Variants in ZMPSTE24 observed in about 807,000 individuals in gnomAD.
ZMPSTE24 encodes the protein zinc metallopeptidase STE24.
In ZMPSTE24, 48 loss-of-function variants were observed where a neutral mutation model predicts 56.7. The ratio of observed to expected loss-of-function variants is 0.85; its 90% confidence interval spans 0.67 to 1.08. The LOEUF is 1.08. Ranked by LOEUF, ZMPSTE24 falls within the 50% of genes least tolerant of loss-of-function variation. The pLI, the probability that ZMPSTE24 is intolerant of heterozygous loss-of-function variation, is 0.00. For missense variants in ZMPSTE24, 503 were observed against 548.7 expected (o/e 0.92, Z 0.83); for synonymous variants, 172 against 195.2 (o/e 0.88, Z 0.99).
chr1:40,288,864 G>T lies in ZMPSTE24; in HGVS notation c.1060-1990G>T, dbSNP rs1272264874. On this transcript the variant is annotated intron_variant, in intron 8 of 9. Coordinates refer to ENST00000372759, the MANE Select transcript of ZMPSTE24 (RefSeq NM_005857.5). ...TTTTTTTCCCACTGCCAATAAATTAGGATATATATCCTTGCCTCAGGCTCT... is the reference window on the plus strand; with the variant it reads ...TTTTTTTCCCACTGCCAATAAATTATGATATATATCCTTGCCTCAGGCTCT... Among the ~76,000 whole-genome samples the T allele has an allele frequency of 4.6e-5, 7 of 151,874 alleles. No individual in the cohort carries two copies. In the East Asian group the frequency reaches 7.7e-4, roughly 17 times the overall value.
rs766472278 is a variant in ZMPSTE24 at position 40,271,919 on chromosome 1, A to G, written c.653A>G (p.Tyr218Cys). 6.2e-7 allele frequency: 1 copy of G among 1,613,720 alleles called. No homozygotes were observed. Among genetic ancestry groups the G allele is most frequent in the Non-Finnish European group, 8.5e-7 (1 of 1,179,740 alleles). ...GTTCTTGTCACAATCTATGCTGATT[A>G]TATTGCCCCTTTATTTGACAAATTC... ...SLVLVTIYAD[Y>C]IAPLFDKFTP... Residue 218 changes from tyrosine (Y) to cysteine (C), a missense_variant, in exon 6 of 10, where the codon TAT becomes TGT. Transcript: ENST00000372759.
chr1:40,264,712 C>CA (rs539637394), intron 2 of ZMPSTE24, among the ~76,000 whole-genome samples: 1 of 151,078 alleles, frequency 6.6e-6, no homozygotes, highest in Non-Finnish European at 1.5e-5. Flanking sequence ...CCCATCTTTG[C>CA]AAAAAAATTT....
chr1:40,269,484 G>A (rs1643591433), intron 4 of ZMPSTE24, among the ~76,000 whole-genome samples: 1 of 152,162 alleles, frequency 6.6e-6, no homozygotes, highest in African/African-American at 2.4e-5. Context: ...GTTTGCGACA[G>A]GGTCTCGTTC....
At chr1:40,280,936 T>C (rs1416301439) in intron 6 of ZMPSTE24, among the ~76,000 whole-genome samples, 1 of 152,202 alleles carries the variant, frequency 6.6e-6, no homozygotes, top group African/African-American at 2.4e-5. Flanking sequence ...ACCTAATACA[T>C]GCACATTTTT....
chr1:40,258,461 C>T, intron 1 of ZMPSTE24, 67 bp downstream of exon 1: 1 of 1,610,154 alleles, frequency 6.2e-7, no homozygotes. Context: ...TTGGCTTCGA[C>T]CCTGAGACTC....
intron 6 of ZMPSTE24, among the ~76,000 whole-genome samples, chr1:40,278,987 A>G (rs1643700580): frequency 6.6e-6 from 1 of 152,170 alleles, no homozygotes; most frequent in Admixed American, 6.5e-5. Context: ...TGTCTCTACA[A>G]AAAATTAGCC....
chr1:40,259,392 C>T (rs1643472799), intron 1 of ZMPSTE24: 2 of 151,842 alleles, frequency 1.3e-5, no homozygotes, highest in Admixed American at 6.6e-5. Flanking sequence ...GGCGTTATCT[C>T]GGCTCACTGC....
chr1:40,285,097 T>TTAA (rs1188797670), intron 7 of ZMPSTE24, among the ~76,000 whole-genome samples: 4 of 49,944 alleles, frequency 8.0e-5, no homozygotes, highest in African/African-American at 7.7e-4. Context: ...GGCTAATTTA[T>TTAA]TATTATTATT....
Position 40,272,013 on chromosome 1 carries a change from G to A in ZMPSTE24, c.747G>A (p.Leu249=), listed in dbSNP as rs1345008142. ...TGGCAAAGAGTATTGACTTTCCTTT[G>A]ACGAAGGTGTATGTTGTGGAAGGTA... is the stretch of plus-strand genomic sequence containing the variant. ...EVMAKSIDFP[L]TKVYVVEGSK... The change falls in exon 6 of 10, where the codon TTG becomes TTA. Residue 249 remains leucine, a synonymous_variant. Coordinates refer to ENST00000372759, the MANE Select transcript of ZMPSTE24 (RefSeq NM_005857.5). The A allele has an allele frequency of 1.2e-6, 2 of 1,611,832 alleles. No homozygotes were observed. The highest frequency in any genetic ancestry group is 4.5e-5 in the East Asian group (2 of 44,768).
intron 6 of ZMPSTE24, among the ~76,000 whole-genome samples, chr1:40,279,205 G>A (rs1643702711): frequency 6.6e-6 from 1 of 152,142 alleles, no homozygotes; most frequent in Non-Finnish European, 1.5e-5. Flanking sequence ...AAGTAGGTAT[G>A]CTGATTTTAA....
At chr1:40,285,160 G>C (rs1014108360) in intron 7 of ZMPSTE24, among the ~76,000 whole-genome samples, 3 of 151,510 alleles carry the variant, frequency 2.0e-5, no homozygotes, top group Non-Finnish European at 2.9e-5. Flanking sequence ...AGGCTGGAGT[G>C]CAATGGCGTG....
chr1:40,268,778 TA>T (rs778660157), intron 4 of ZMPSTE24, among the ~76,000 whole-genome samples: 12 of 149,276 alleles, frequency 8.0e-5, no homozygotes, highest in South Asian at 2.1e-4. Flanking sequence ...ACACTGATTT[TA>T]AAAAAAAAAT....
chr1:40,272,813 A>G (rs1473223728), intron 6 of ZMPSTE24, among the ~76,000 whole-genome samples: 3 of 152,220 alleles, frequency 2.0e-5, no homozygotes, highest in Non-Finnish European at 4.4e-5. Flanking sequence ...CAGTTATAGG[A>G]TCTTGGACAA....
intron 1 of ZMPSTE24, among the ~76,000 whole-genome samples, chr1:40,258,973 C>A (rs772661055): frequency 6.6e-6 from 1 of 152,046 alleles, no homozygotes; most frequent in Non-Finnish European, 1.5e-5. Context: ...GCCTGACCAA[C>A]GTGGCGAAAA....
chr1:40,283,789 G>A (rs766717041), intron 7 of ZMPSTE24, among the ~76,000 whole-genome samples: 3 of 151,948 alleles, frequency 2.0e-5, no homozygotes, highest in Non-Finnish European at 4.4e-5. Context: ...TAAATTCTGT[G>A]TTTTCAGGGC....
Position 40,258,290 on chromosome 1 carries a change from C to G in ZMPSTE24, c.19C>G (p.Leu7Val), listed in dbSNP as rs777639293. MGMWASLDALWEMPAEK... is the reference protein window; with the variant it reads MGMWASVDALWEMPAEK... ...GGTGGCCATGGGGATGTGGGCATCG[C>G]TGGACGCTTTGTGGGAGATGCCGGC... The change falls in exon 1 of 10, where the codon CTG becomes GTG. Residue 7 changes from leucine to valine, a missense_variant. Transcript: ENST00000372759. 1.2e-6 allele frequency: 2 copies of G among 1,614,064 alleles called. No individual in the cohort carries two copies. The highest frequency in any genetic ancestry group is 1.3e-5 in the African/African-American group (1 of 75,064).
At chr1:40,275,074 G>A (rs1280592472) in intron 6 of ZMPSTE24, among the ~76,000 whole-genome samples, 1 of 151,928 alleles carries the variant, frequency 6.6e-6, no homozygotes, top group African/African-American at 2.4e-5. Context: ...TTAGAATTCT[G>A]CAAGCAATAG....
intron 2 of ZMPSTE24, among the ~76,000 whole-genome samples, chr1:40,264,017 G>T (rs1042353993): frequency 3.9e-5 from 6 of 152,100 alleles, no homozygotes; most frequent in Non-Finnish European, 5.9e-5. Context: ...ACCTTCTTGA[G>T]CCTAAGTTTT....
At position 40,278,557 on chromosome 1, in the gene ZMPSTE24, CAAAAAAAAAAAA is replaced by C. The variant is rs397979953; in HGVS notation, c.770-2768_770-2757del. 7.2e-4 allele frequency among the ~76,000 whole-genome samples: 14 copies of C among 19,556 alleles called. No individual in the cohort carries two copies. In the South Asian group the frequency reaches 0.014, roughly 19 times the overall value. The allele number at this position is 19,556 out of a possible 152,430, so 12.8% of individuals were successfully genotyped here. ...TGGGCGACAGAGTGAGACTCCGTCT[CAAAAAAAAAAAA>C]AAAAAAAAAAAAAAAAAGAATATCT... is the stretch of plus-strand genomic sequence containing the variant. On this transcript the variant is annotated intron_variant, in intron 6 of 9. Transcript: ENST00000372759.
Sources: allele counts gnomAD v4.1 joint callset (sites outside exome capture counted in the v4.1 genomes callset), GRCh38; gene constraint gnomAD v4.1.1; transcripts MANE v1.5; gene names NCBI Gene and HGNC (gene_info 2026-07-23, HGNC 2026-07-21).